The following TMEM183A variants were observed in gnomAD, a reference collection of about 807,000 sequenced individuals.
TMEM183A encodes transmembrane protein 183A.
Under a neutral mutation model 46.7 loss-of-function variants are expected in TMEM183A, and 21 were observed. That is an observed-to-expected ratio of 0.45 (90% CI 0.32 to 0.65). The LOEUF is 0.65. TMEM183A is among the 30% of genes least tolerant of loss of function. TMEM183A has a pLI of 0.04. For synonymous variants in TMEM183A, 165 were observed against 180.2 expected (o/e 0.92, Z 0.68); for missense variants, 331 against 481.9 (o/e 0.69, Z 2.93).
chr1:203,022,936 A>C lies in TMEM183A; in HGVS notation c.1027A>C (p.Lys343Gln). 2 of 1,613,156 alleles carry C rather than the reference A, an allele frequency of 1.2e-6. No homozygotes were observed. The highest frequency in any genetic ancestry group is 1.7e-6 in the Non-Finnish European group (2 of 1,179,686). ...AGATTCCCCTGTCCATGGTGGTCGG[A>C]AACTGCGCAGTGAACAGGGTGTGCA... is the stretch of plus-strand genomic sequence containing the variant. Reference protein sequence around the residue: ...FQDSPVHGGRKLRSEQGVQVI... With the variant: ...FQDSPVHGGRQLRSEQGVQVI... Residue 343 changes from lysine (K) to glutamine (Q), a missense_variant, in exon 8 of 8, where the codon AAA (lysine) becomes CAA (glutamine). Transcript: ENST00000367242.
chr1:203,020,892 G>T lies in TMEM183A; in HGVS notation c.889G>T (p.Val297Phe), dbSNP rs1405976720. The change falls in exon 7 of 8, where the codon GTC (valine) becomes TTC (phenylalanine). Residue 297 changes from valine (V) to phenylalanine (F), a missense_variant. Val to Phe is a conservative substitution (Grantham distance 50). Coordinates refer to ENST00000367242, the MANE Select transcript of TMEM183A (RefSeq NM_138391.6). ...NPDQDCCLLQ[V>F]TTLNFIFIPI... ...AGACCAGGACTGCTGCCTACTGCAG[G>T]TCACCACCCTCAATTTCATCTTTAT... 2 of 1,613,030 alleles carry T rather than the reference G, an allele frequency of 1.2e-6. No individual in the cohort carries two copies. Among genetic ancestry groups the T allele is most frequent in the African/African-American group, 1.3e-5 (1 of 74,598 alleles).
At chr1:203,009,030 G>A (rs188096023) in intron 3 of TMEM183A, among the ~76,000 whole-genome samples, 13 of 152,226 alleles carry the variant, frequency 8.5e-5, no homozygotes, top group Admixed American at 5.2e-4. Flanking sequence ...AGATTAGTAC[G>A]TGTTAGTAGA....
intron 1 of TMEM183A, 93 bp downstream of exon 1, chr1:203,007,667 G>T: frequency 6.5e-7 from 1 of 1,544,184 alleles, no homozygotes. Flanking sequence ...GCGTGCCCGC[G>T]GCTGGAGGGC....
In TMEM183A at chr1:203,013,663, C is replaced by T. The variant is rs1656887381; in HGVS notation, c.368-1226C>T. On this transcript the variant is annotated intron_variant, in intron 3 of 7. Coordinates refer to ENST00000367242, the MANE Select transcript of TMEM183A (RefSeq NM_138391.6). This position sits in a 1 kb window ranked among gnomAD's most constrained non-coding sequence, Gnocchi z 4.0. ...AGTAGCTGGAACTACAGGCAGCTGCCACCACGCCCGGCTAATTTTTTTGTA... is the reference window on the plus strand; with the variant it reads ...AGTAGCTGGAACTACAGGCAGCTGCTACCACGCCCGGCTAATTTTTTTGTA... Among the ~76,000 whole-genome samples the T allele has an allele frequency of 6.6e-6, 1 of 152,062 alleles. No individual in the cohort carries two copies. Among genetic ancestry groups the T allele is most frequent in the Admixed American group, 6.5e-5 (1 of 15,278 alleles).
chr1:203,018,654 T>C (rs978983473), intron 6 of TMEM183A, 93 bp downstream of exon 6: 2 of 1,364,096 alleles, frequency 1.5e-6, no homozygotes, highest in Admixed American at 2.1e-5. Context: ...GCTATAACAG[T>C]ACCACAGATT....
intron 5 of TMEM183A, 60 bp downstream of exon 5, chr1:203,016,200 C>A: frequency 6.2e-7 from 1 of 1,608,850 alleles, no homozygotes; most frequent in Non-Finnish European, 8.5e-7. Context: ...GGCCTGTTAT[C>A]ATGGCTTGTC....
At chr1:203,021,285 G>C (rs1466893739) in intron 7 of TMEM183A, among the ~76,000 whole-genome samples, 1 of 152,042 alleles carries the variant, frequency 6.6e-6, no homozygotes, top group Admixed American at 6.6e-5. Context: ...TTCCACGTCG[G>C]CCTCTCAAGT....
At chr1:203,021,858 C>T (rs546791136) in intron 7 of TMEM183A, among the ~76,000 whole-genome samples, 1 of 152,292 alleles carries the variant, frequency 6.6e-6, no homozygotes, top group South Asian at 2.1e-4. Context: ...TGAGGTTCCC[C>T]TTCCACAATG....
chr1:203,015,915 G>C, intron 4 of TMEM183A, 45 bp from the exon 5 acceptor site: 4 of 1,594,840 alleles, frequency 2.5e-6, no homozygotes, highest in Non-Finnish European at 3.4e-6. Context: ...CCTAGAGCAG[G>C]AGAGACAGGT....
At chr1:203,020,099 T>C (rs1657525893) in intron 6 of TMEM183A, among the ~76,000 whole-genome samples, 1 of 152,212 alleles carries the variant, frequency 6.6e-6, no homozygotes, top group Non-Finnish European at 1.5e-5. Flanking sequence ...ATACTATGAA[T>C]TATTCTCACG....
Position 203,015,998 on chromosome 1 carries a change from G to A in TMEM183A, c.566G>A (p.Arg189Gln), listed in dbSNP as rs775375578. The change falls in exon 5 of 8, where the codon CGA becomes CAA. Residue 189 changes from arginine to glutamine, a missense_variant. This residue lies in a region of TMEM183A where 233 missense variants were observed against 385.8 expected (regional missense o/e 0.60). Transcript: ENST00000367242. ...GATGCTTCCCTGCCTTTGCGTCTGC[G>A]ACCAGAGTCAATGGAGAAGCTGCGC... ...TLDASLPLRL[R>Q]PESMEKLRCL... The A allele has an allele frequency of 5.0e-6, 8 of 1,613,976 alleles. No individual in the cohort carries two copies. The highest frequency in any genetic ancestry group is 1.7e-5 in the Admixed American group (1 of 60,020).
chr1:203,017,795 C>T (rs1194861961), intron 5 of TMEM183A: 2 of 985,808 alleles, frequency 2.0e-6, no homozygotes, highest in Non-Finnish European at 2.4e-6. Flanking sequence ...GTTGTGATGG[C>T]AGCAGAAGTG....
chr1:203,007,430 C>G lies in TMEM183A; in HGVS notation c.-36C>G, dbSNP rs1463498188. The G allele has an allele frequency of 2.1e-6, 3 of 1,396,934 alleles. No individual in the cohort carries two copies. The highest frequency in any genetic ancestry group is 2.8e-6 in the Non-Finnish European group (3 of 1,074,532). 86.5% of individuals were successfully genotyped at this position (1,396,934 alleles called of 1,614,324 possible). Reference sequence around the variant, plus strand: ...TGGCCGCGGAGCCGGGCGGAGCTGGCTTGCGGCTCCCGGGGCCGGCTCTCC... The same window carrying G: ...TGGCCGCGGAGCCGGGCGGAGCTGGGTTGCGGCTCCCGGGGCCGGCTCTCC... On this transcript the variant is annotated 5_prime_UTR_variant, in exon 1 of 8. Transcript: ENST00000367242.
At chr1:203,019,841 AC>A (rs1657498926) in intron 6 of TMEM183A, among the ~76,000 whole-genome samples, 1 of 152,222 alleles carries the variant, frequency 6.6e-6, no homozygotes, top group Admixed American at 6.5e-5. Flanking sequence ...TGACAGTATT[AC>A]TCAAAGGACA....
chr1:203,007,595 C>T lies in TMEM183A; in HGVS notation c.109+21C>T, dbSNP rs1261605799. ...CCGAGGTGGGCGAGGGGGGCAGGGGCGCTGAAACATTTTGGGGGCTGGCGG... is the reference window on the plus strand; with the variant it reads ...CCGAGGTGGGCGAGGGGGGCAGGGGTGCTGAAACATTTTGGGGGCTGGCGG... On this transcript the variant is annotated intron_variant, in intron 1 of 7. Transcript: ENST00000367242. 13 of 1,537,506 alleles carry T rather than the reference C, an allele frequency of 8.5e-6. No homozygotes were observed. In the East Asian group the frequency reaches 1.4e-4, roughly 17 times the overall value.
At chr1:203,020,364 G>A (rs1657549601) in intron 6 of TMEM183A, among the ~76,000 whole-genome samples, 1 of 152,186 alleles carries the variant, frequency 6.6e-6, no homozygotes, top group Admixed American at 6.5e-5. Flanking sequence ...TGAATGCCGA[G>A]ATTTTCCTTT....
In TMEM183A at chr1:203,024,343, T is replaced by G. The variant is rs950852148; in HGVS notation, c.*1303T>G. ...TGTTTTGCTAAGGAGAAAACCTTGC[T>G]GCTTGTCTCTCCTCCCACCCTCCAC... On this transcript the variant is annotated 3_prime_UTR_variant, in exon 8 of 8. Transcript: ENST00000367242. 1.3e-5 allele frequency: 2 copies of G among 152,238 alleles called. No homozygotes were observed. The highest frequency in any genetic ancestry group is 6.5e-5 in the Admixed American group (1 of 15,284). 9.4% of individuals were successfully genotyped at this position (152,238 alleles called of 1,614,324 possible).
At chr1:203,021,029 T>A in intron 7 of TMEM183A, 81 bp downstream of exon 7, 23 of 550,504 alleles carry the variant, frequency 4.2e-5, no homozygotes, top group East Asian at 9.8e-5. Flanking sequence ...CCGCAGCTCT[T>A]TTTTTTTTTT....
chr1:203,015,303 C>G, intron 4 of TMEM183A: 1 of 523,986 alleles, frequency 1.9e-6, no homozygotes. Flanking sequence ...TGCTTCAAGT[C>G]CCAGATAGAA....
Sources: gnomAD v4.1 joint callset for allele counts (sites outside exome capture counted in the v4.1 genomes callset) on GRCh38, gnomAD v4.1.1 for gene constraint, gnomAD v4.1.1 regional missense constraint, Gnocchi (gnomAD v3.1) non-coding constraint, MANE v1.5 for transcripts, NCBI Gene and HGNC (gene_info 2026-07-23, HGNC 2026-07-21) for gene names.